BAZ1B: variants seen among roughly 807,000 people sequenced by gnomAD.
The protein encoded by BAZ1B is bromodomain adjacent to zinc finger domain 1B, also known as tyrosine-protein kinase BAZ1B.
In BAZ1B, 22 loss-of-function variants were observed where a neutral mutation model predicts 153.8. That is an observed-to-expected ratio of 0.14 (90% CI 0.10 to 0.20). The LOEUF is 0.20. Ranked by LOEUF, BAZ1B falls within the 10% of genes least tolerant of loss-of-function variation. The pLI is 1.00. For missense variants in BAZ1B, 1,325 were observed against 1,799.3 expected, an observed-to-expected ratio of 0.74 and a Z score of 4.77; for synonymous variants, 676 against 633.4, an observed-to-expected ratio of 1.07 and a Z score of -1.01.
intron 6 of BAZ1B, among the ~76,000 whole-genome samples, chr7:73,479,101 C>T (rs1167899983): frequency 2.6e-5 from 4 of 152,112 alleles, no homozygotes; most frequent in Non-Finnish European, 4.4e-5. Flanking sequence ...CTCTGAGGTA[C>T]ATTTTCTTAT....
At chr7:73,489,486 A>G (rs1328106149) in intron 5 of BAZ1B, 95 bp from the exon 6 acceptor site, 2 of 1,260,160 alleles carry the variant, frequency 1.6e-6, no homozygotes, top group Non-Finnish European at 2.3e-6. Context: ...AAAAATCAAA[A>G]TTCCATCTAT....
At chr7:73,510,679 C>T in intron 2 of BAZ1B, 57 bp downstream of exon 2, 1 of 1,488,874 alleles carries the variant, frequency 6.7e-7, no homozygotes, top group Non-Finnish European at 9.4e-7. Flanking sequence ...GGTTAATATT[C>T]CCTCCTTTCC....
intron 15 of BAZ1B, among the ~76,000 whole-genome samples, chr7:73,447,618 A>T (rs1349930494): frequency 6.6e-6 from 1 of 152,210 alleles, no homozygotes; most frequent in Non-Finnish European, 1.5e-5. Context: ...TTTGGACAAG[A>T]TACCAAAGGC....
chr7:73,469,377 C>A, intron 9 of BAZ1B, 140 bp downstream of exon 9: 1 of 1,025,686 alleles, frequency 9.7e-7, no homozygotes, highest in East Asian at 2.5e-5. Context: ...CATTTCACAT[C>A]TACCTACTTC....
intron 13 of BAZ1B, among the ~76,000 whole-genome samples, chr7:73,456,713 C>T (rs1788214363): frequency 6.6e-6 from 1 of 151,610 alleles, no homozygotes. Flanking sequence ...AGGCCATGGC[C>T]GGCGGACCAC....
chr7:73,476,710 A>G (rs1789013720), intron 7 of BAZ1B, among the ~76,000 whole-genome samples, 158 bp downstream of exon 7: 1 of 152,264 alleles, frequency 6.6e-6, no homozygotes, highest in Admixed American at 6.5e-5. Context: ...TGAAATTATC[A>G]ACAGAACTAA....
rs537146353 is a variant in BAZ1B, at chr7:73,441,243, A to C, written c.*466T>G. The C allele has an allele frequency of 6.5e-6, 1 of 152,822 alleles. No individual in the cohort carries two copies. Among genetic ancestry groups the C allele is most frequent in the African/African-American group, 2.4e-5 (1 of 41,588 alleles). The allele number at this position is 152,822 out of a possible 1,614,324, so 9.5% of individuals were successfully genotyped here. ...TAGAAACTGTACTGTACATGTGCTAAAGCAAGATGTCAGGAGTATCTTACA... is the reference window on the plus strand; with the variant it reads ...TAGAAACTGTACTGTACATGTGCTACAGCAAGATGTCAGGAGTATCTTACA... On this transcript the variant is annotated 3_prime_UTR_variant, in exon 20 of 20. Coordinates refer to ENST00000339594, the MANE Select transcript of BAZ1B (RefSeq NM_032408.4).
Position 73,462,886 on chromosome 7 carries a change from A to G in BAZ1B, c.3249+36T>C, listed in dbSNP as rs569772193. On this transcript the variant is annotated intron_variant, in intron 12 of 19. Transcript: ENST00000339594. ...GGGAAGAACTTCAGATTGAGTTGCC[A>G]TGAGTAATCTAAGGGGGATTTTCTT... 3.1e-6 allele frequency: 5 copies of G among 1,604,722 alleles called. No individual in the cohort carries two copies. The South Asian group carries it at 5.5e-5, about 18-fold the overall frequency.
At chr7:73,487,656 A>G (rs116475678) in intron 6 of BAZ1B, among the ~76,000 whole-genome samples, 1,712 of 152,320 alleles carry the variant, frequency 0.011, 37 homozygotes, top group African/African-American at 0.04. Flanking sequence ...CATATAGCGA[A>G]GATAGGAATC....
rs138266259 is a variant in BAZ1B, at chr7:73,477,939, T to C, written c.1522A>G (p.Ser508Gly). The change falls in exon 7 of 20, where the codon AGT becomes GGT. Residue 508 changes from serine to glycine, a missense_variant. Ser to Gly is a moderately conservative substitution (Grantham distance 56, BLOSUM62 0). Coordinates refer to ENST00000339594, the MANE Select transcript of BAZ1B (RefSeq NM_032408.4). This position sits in a 1 kb window ranked among gnomAD's most constrained non-coding sequence, Gnocchi z 5.6. ...TCTGGGAGACGAGCTCTATCTTCAC[T>C]AGAGAGAAGACGAGCTGTTTTGGAG... ...VISKTARLLS[S>G]EDRARLPEEL... 111 of 1,614,218 alleles carry C rather than the reference T, an allele frequency of 6.9e-5. No homozygotes were observed. The African/African-American group carries it at 1.3e-3, about 19-fold the overall frequency.
In BAZ1B at chr7:73,461,517, T is replaced by C. The variant is rs114088887; in HGVS notation, c.3249+1405A>G. 7.5e-3 allele frequency among the ~76,000 whole-genome samples: 1,143 copies of C among 152,212 alleles called. 12 individuals are homozygous for C. The highest frequency in any genetic ancestry group is 0.026 in the African/African-American group (1,090 of 41,532). ...TACACAAAAAAGTAAACATGTAACA[T>C]CTGAAACCTGCAAGATCCTTTGGGT... On this transcript the variant is annotated intron_variant, in intron 12 of 19. Coordinates refer to ENST00000339594, the MANE Select transcript of BAZ1B (RefSeq NM_032408.4).
rs781841717 is a variant in BAZ1B, at chr7:73,443,989, C to T, written c.3985G>A (p.Glu1329Lys). ...GGATGATAAATAATTCTCACCAGCT[C>T]ATCCACCTCAGCATCATCCACAGGT... ...APPVDDAEVD[E>K]LVLQTKRSSR... The change falls in exon 17 of 20, where the codon GAG becomes AAG. Residue 1329 changes from glutamate to lysine, a missense_variant. Physicochemically the swap from Glu to Lys is moderately conservative, Grantham distance 56. This residue lies in a region of BAZ1B where 271 missense variants were observed against 337.2 expected (regional missense o/e 0.80). Transcript: ENST00000339594. The T allele has an allele frequency of 1.9e-6, 3 of 1,613,280 alleles. No individual in the cohort carries two copies. Among genetic ancestry groups the T allele is most frequent in the Non-Finnish European group, 2.5e-6 (3 of 1,179,662 alleles).
intron 13 of BAZ1B, among the ~76,000 whole-genome samples, chr7:73,451,673 A>C (rs558401041): frequency 6.6e-6 from 1 of 152,332 alleles, no homozygotes; most frequent in South Asian, 2.1e-4. Flanking sequence ...TACATTTAAG[A>C]AGCTGCTAAA....
chr7:73,449,960 C>T (rs1419836814), intron 14 of BAZ1B, among the ~76,000 whole-genome samples: 1 of 152,078 alleles, frequency 6.6e-6, no homozygotes, highest in Non-Finnish European at 1.5e-5. Flanking sequence ...CTAAGAGGCA[C>T]AAAAAACCCA....
At chr7:73,489,147 A>C in intron 6 of BAZ1B, 47 bp downstream of exon 6, 2 of 1,563,680 alleles carry the variant, frequency 1.3e-6, no homozygotes, top group South Asian at 1.1e-5. Context: ...CCATCAGAGA[A>C]ATAATGATGC....
intron 1 of BAZ1B, among the ~76,000 whole-genome samples, chr7:73,512,291 T>C (rs1321413539): frequency 6.6e-6 from 1 of 151,716 alleles, no homozygotes; most frequent in East Asian, 1.9e-4. Flanking sequence ...TTATGAGTTT[T>C]TTGTGTGATT....
chr7:73,469,445 G>C lies in BAZ1B; in HGVS notation c.2866+72C>G, dbSNP rs182676679. On this transcript the variant is annotated intron_variant, in intron 9 of 19. Coordinates refer to ENST00000339594, the MANE Select transcript of BAZ1B (RefSeq NM_032408.4). ...TTCTGCAAATGGAAAACGTGACAGA[G>C]GAAAAGCAGTCCTTAATGTTGAGCC... is the stretch of plus-strand genomic sequence containing the variant. The C allele has an allele frequency of 9.6e-5, 150 of 1,562,860 alleles. 2 individuals are homozygous for C. In the Middle Eastern group the frequency reaches 2.2e-3, roughly 22 times the overall value.
intron 1 of BAZ1B, among the ~76,000 whole-genome samples, chr7:73,519,401 C>G (rs1790939171): frequency 6.6e-6 from 1 of 152,292 alleles, no homozygotes; most frequent in African/African-American, 2.4e-5. Flanking sequence ...AATCTGCCAA[C>G]CATACAGTAC....
At chr7:73,452,022 C>CA (rs1392131400) in intron 13 of BAZ1B, among the ~76,000 whole-genome samples, 2 of 152,180 alleles carry the variant, frequency 1.3e-5, no homozygotes, top group African/African-American at 4.8e-5. Flanking sequence ...TGGAAGAAAA[C>CA]AGTCATGGGC....
Sources: gnomAD v4.1 joint callset for allele counts (sites outside exome capture counted in the v4.1 genomes callset) on GRCh38, gnomAD v4.1.1 for gene constraint, gnomAD v4.1.1 regional missense constraint, Gnocchi (gnomAD v3.1) non-coding constraint, MANE v1.5 for transcripts, NCBI Gene and HGNC (gene_info 2026-07-23, HGNC 2026-07-21) for gene names.